DLC1: variants seen among roughly 807,000 people sequenced by gnomAD.
DLC1 encodes rho GTPase-activating protein 7.
In DLC1, 54 loss-of-function variants were observed where a neutral mutation model predicts 140.3. The observed-to-expected ratio is 0.38, with a 90% CI of 0.31 to 0.48. DLC1 has a LOEUF of 0.48. Ranked by LOEUF, DLC1 falls within the 20% of genes least tolerant of loss-of-function variation. DLC1 has a pLI of 0.96. For synonymous variants in DLC1, 986 were observed against 728.1 expected (o/e 1.35, Z -5.70); for missense variants, 2,536 against 1,907.0 (o/e 1.33, Z -6.14).
chr8:13,250,024 C>T (rs771054943), intron 5 of DLC1, among the ~76,000 whole-genome samples: 39 of 152,312 alleles, frequency 2.6e-4, no homozygotes, highest in African/African-American at 5.3e-4. Context: ...CCATCACTGA[C>T]GTCCCCTTGC....
intron 5 of DLC1, among the ~76,000 whole-genome samples, chr8:13,179,092 T>G (rs942095073): frequency 6.6e-6 from 1 of 152,198 alleles, no homozygotes; most frequent in Non-Finnish European, 1.5e-5. Context: ...TACAGAATGA[T>G]GAAAACAGAC....
chr8:13,435,084 G>C (rs1839057997), intron 2 of DLC1, among the ~76,000 whole-genome samples: 1 of 152,160 alleles, frequency 6.6e-6, no homozygotes, highest in Non-Finnish European at 1.5e-5. Flanking sequence ...CTTCTGGAAA[G>C]AATTCACTAT....
At chr8:13,345,642 C>A (rs962721820) in intron 4 of DLC1, among the ~76,000 whole-genome samples, 2 of 139,920 alleles carry the variant, frequency 1.4e-5, no homozygotes, top group African/African-American at 5.4e-5. Flanking sequence ...CAACCTCTGT[C>A]TGCCTCCCGG....
chr8:13,150,283 T>C (rs986840086), intron 5 of DLC1, among the ~76,000 whole-genome samples: 3 of 152,240 alleles, frequency 2.0e-5, no homozygotes, highest in Non-Finnish European at 4.4e-5. Context: ...TAAAATTAAG[T>C]ATTGCAATGG....
At chr8:13,585,031 A>G (rs1442381872) in intron 1 of DLC1, among the ~76,000 whole-genome samples, 7 of 152,162 alleles carry the variant, frequency 4.6e-5, no homozygotes, top group Non-Finnish European at 2.9e-5. Context: ...TTCTTGAGGA[A>G]CTCCTGGAAC....
chr8:13,270,542 C>T lies in DLC1; in HGVS notation c.1348+34727G>A, dbSNP rs145853170. The stretch of plus-strand genomic sequence containing the variant: ...CGTGCTTAGGAAAACTTTCAGATAT[C>T]GTATATCTAGCTTGACAAGCTCATA... On this transcript the variant is annotated intron_variant, in intron 5 of 17. Transcript: ENST00000276297. Among the ~76,000 whole-genome samples, 513 of 152,268 alleles carry T rather than the reference C, an allele frequency of 3.4e-3. 5 individuals carry two copies. Among genetic ancestry groups the T allele is most frequent in the African/African-American group, 0.012 (493 of 41,562 alleles).
At chr8:13,358,450 C>G (rs1835051618) in intron 4 of DLC1, among the ~76,000 whole-genome samples, 1 of 152,146 alleles carries the variant, frequency 6.6e-6, no homozygotes, top group African/African-American at 2.4e-5. Flanking sequence ...CTTGATTACT[C>G]TGGCTAAGTA....
chr8:13,495,973 A>T (rs1801482100), intron 2 of DLC1, among the ~76,000 whole-genome samples: 1 of 152,232 alleles, frequency 6.6e-6, no homozygotes, highest in Non-Finnish European at 1.5e-5. Context: ...TCAGATAATG[A>T]GCTGATTACA....
At chr8:13,193,352 G>A (rs1826867366) in intron 5 of DLC1, among the ~76,000 whole-genome samples, 1 of 152,032 alleles carries the variant, frequency 6.6e-6, no homozygotes, top group Admixed American at 6.6e-5. Context: ...TTGAGTTAGG[G>A]GAGAAGAGAC....
intron 5 of DLC1, among the ~76,000 whole-genome samples, chr8:13,178,773 T>C (rs1585849831): frequency 6.6e-6 from 1 of 151,754 alleles, no homozygotes; most frequent in East Asian, 1.9e-4. Context: ...ATGGCTAAAA[T>C]GAAACAGATG....
chr8:13,460,257 T>A (rs945821228), intron 2 of DLC1, among the ~76,000 whole-genome samples: 5 of 152,178 alleles, frequency 3.3e-5, no homozygotes, highest in African/African-American at 4.8e-5. Flanking sequence ...CTCACAGCAT[T>A]TAAAAGACTA....
At chr8:13,117,548 T>G (rs1437860373) in intron 5 of DLC1, among the ~76,000 whole-genome samples, 1 of 152,176 alleles carries the variant, frequency 6.6e-6, no homozygotes, top group Non-Finnish European at 1.5e-5. Context: ...AACATAGATA[T>G]GGAAAGAAAA....
chr8:13,275,817 A>G (rs1293432672), intron 5 of DLC1, among the ~76,000 whole-genome samples: 2 of 152,170 alleles, frequency 1.3e-5, no homozygotes, highest in African/African-American at 4.8e-5. Context: ...ACTGACACAC[A>G]GACCTGCCAG....
chr8:13,239,437 C>A (rs1398094104), intron 5 of DLC1, among the ~76,000 whole-genome samples: 1 of 152,004 alleles, frequency 6.6e-6, no homozygotes, highest in African/African-American at 2.4e-5. Context: ...GGTAGGCAAG[C>A]CTGGACTAGG....
At chr8:13,371,501 T>C (rs1215621723) in intron 4 of DLC1, among the ~76,000 whole-genome samples, 1 of 152,130 alleles carries the variant, frequency 6.6e-6, no homozygotes, top group East Asian at 1.9e-4. Context: ...TGTAAGTCCA[T>C]GTACCTTTGA....
At chr8:13,503,094 A>G (rs927794918) in intron 1 of DLC1, among the ~76,000 whole-genome samples, 3 of 152,220 alleles carry the variant, frequency 2.0e-5, no homozygotes, top group Non-Finnish European at 4.4e-5. Context: ...TTTATAGCAT[A>G]CAATATATAC....
At chr8:13,353,674 T>A (rs1473060449) in intron 4 of DLC1, 3 of 152,112 alleles carry the variant, frequency 2.0e-5, no homozygotes, top group Non-Finnish European at 4.4e-5. Context: ...CTGGCCAACA[T>A]GGTGAAACCC....
In DLC1 at chr8:13,266,001, C is replaced by T. The variant is rs77968656; in HGVS notation, c.1348+39268G>A. ...TATCTTCAGTTGTGCAATGATTATG[C>T]GGAGCCAAAGAGCTTTGCTGGAAAC... On this transcript the variant is annotated intron_variant, in intron 5 of 17. Coordinates refer to ENST00000276297, the MANE Select transcript of DLC1 (RefSeq NM_182643.3). 5.8e-3 allele frequency among the ~76,000 whole-genome samples: 882 copies of T among 152,186 alleles called. 12 individuals are homozygous for T. Among genetic ancestry groups the T allele is most frequent in the African/African-American group, 0.02 (826 of 41,518 alleles).
chr8:13,323,042 C>A (rs772984652), intron 4 of DLC1, among the ~76,000 whole-genome samples: 6 of 152,170 alleles, frequency 3.9e-5, no homozygotes, highest in Non-Finnish European at 8.8e-5. Flanking sequence ...GGTGAGTGAG[C>A]CATACTGAAG....
Sources: gnomAD v4.1 joint callset for allele counts (sites outside exome capture counted in the v4.1 genomes callset) on GRCh38, gnomAD v4.1.1 for gene constraint, MANE v1.5 for transcripts, NCBI Gene and HGNC (gene_info 2026-07-23, HGNC 2026-07-21) for gene names.